The following KIAA1217 variants were observed in gnomAD, a reference collection of about 807,000 sequenced individuals.
KIAA1217 encodes the protein sickle tail protein homolog.
In KIAA1217, 88 loss-of-function variants were observed where a neutral mutation model predicts 163.9. That is an observed-to-expected ratio of 0.54 (90% confidence interval 0.45 to 0.64). The LOEUF is 0.64. Among genes scored for constraint, KIAA1217 ranks in the 30% least tolerant of loss-of-function variants. KIAA1217 has a pLI of 0.00. For synonymous variants in KIAA1217, 903 were observed against 923.1 expected (o/e 0.98, Z 0.39); for missense variants, 2,372 against 2,475.0 (o/e 0.96, Z 0.88).
chr10:24,176,615 C>T (rs937926791), intron 2 of KIAA1217, among the ~76,000 whole-genome samples: 9 of 152,266 alleles, frequency 5.9e-5, no homozygotes. Flanking sequence ...TCCAGCTAGA[C>T]ATAAAAGTTC....
intron 1 of KIAA1217, among the ~76,000 whole-genome samples, chr10:23,887,433 C>A (rs988739009): frequency 1.3e-5 from 2 of 151,822 alleles, no homozygotes; most frequent in African/African-American, 4.8e-5. Flanking sequence ...CTATAGGCGA[C>A]CATTAGGCTA....
At chr10:23,941,041 A>C (rs986392043) in intron 1 of KIAA1217, among the ~76,000 whole-genome samples, 3 of 152,210 alleles carry the variant, frequency 2.0e-5, no homozygotes, top group Non-Finnish European at 4.4e-5. Flanking sequence ...CCTGCAGAGA[A>C]AAGTGGTTCA....
chr10:24,498,941 G>A (rs965315479), intron 8 of KIAA1217, among the ~76,000 whole-genome samples: 1 of 152,210 alleles, frequency 6.6e-6, no homozygotes. Context: ...AGGTACCTTG[G>A]TGGCCTCAGA....
At chr10:24,196,474 T>C (rs1015332831) in intron 2 of KIAA1217, among the ~76,000 whole-genome samples, 29 of 152,354 alleles carry the variant, frequency 1.9e-4, no homozygotes, top group Admixed American at 1.4e-3. Flanking sequence ...AAAATATTAC[T>C]ATGATTCCTG....
At chr10:23,706,442 C>T (rs1836892967) in intron 1 of KIAA1217, among the ~76,000 whole-genome samples, 1 of 152,104 alleles carries the variant, frequency 6.6e-6, no homozygotes, top group Non-Finnish European at 1.5e-5. Context: ...TGAGGAAGTT[C>T]TCTTTCTCTT....
intron 2 of KIAA1217, among the ~76,000 whole-genome samples, chr10:24,337,554 G>GT (rs896867026): frequency 8.7e-5 from 13 of 150,164 alleles, no homozygotes; most frequent in African/African-American, 3.2e-4. Flanking sequence ...AGACTTAAAT[G>GT]TTTTTTTGTT....
At chr10:23,869,746 G>A (rs555265180) in intron 1 of KIAA1217, among the ~76,000 whole-genome samples, 16 of 152,130 alleles carry the variant, frequency 1.1e-4, no homozygotes, top group African/African-American at 3.1e-4. Context: ...TACCACGGCC[G>A]CCAAGAATTC....
chr10:23,948,739 G>A (rs1394673143), intron 1 of KIAA1217, among the ~76,000 whole-genome samples: 2 of 151,944 alleles, frequency 1.3e-5, no homozygotes, highest in South Asian at 4.1e-4. Flanking sequence ...AGTATATATG[G>A]CACGTGGTAG....
chr10:24,054,721 A>T (rs950585178), intron 2 of KIAA1217, among the ~76,000 whole-genome samples: 4 of 152,196 alleles, frequency 2.6e-5, no homozygotes, highest in Non-Finnish European at 5.9e-5. Context: ...AAATAAACCT[A>T]GTTGGCATAG....
intron 1 of KIAA1217, among the ~76,000 whole-genome samples, chr10:23,888,445 G>C (rs1022812564): frequency 6.6e-6 from 1 of 151,828 alleles, no homozygotes; most frequent in Non-Finnish European, 1.5e-5. Context: ...CATCTATAAT[G>C]CATCTGAAAT....
intron 1 of KIAA1217, among the ~76,000 whole-genome samples, chr10:23,891,102 T>A (rs1841399328): frequency 6.6e-6 from 1 of 151,992 alleles, no homozygotes; most frequent in Non-Finnish European, 1.5e-5. Context: ...ACACTTGTAC[T>A]TTCAGTACAT....
chr10:24,346,248 C>T (rs758265261), intron 2 of KIAA1217, among the ~76,000 whole-genome samples: 52 of 152,050 alleles, frequency 3.4e-4, no homozygotes, highest in African/African-American at 1.1e-3. Flanking sequence ...GGCGGATCAC[C>T]AGGTCCGGAG....
chr10:24,322,494 C>G (rs551273697), intron 2 of KIAA1217, among the ~76,000 whole-genome samples: 137 of 152,182 alleles, frequency 9.0e-4, no homozygotes, highest in Admixed American at 2.4e-3. Flanking sequence ...GGAAAAAGAC[C>G]CTGTACATGA....
At chr10:24,525,265 G>A (rs909808601) in intron 13 of KIAA1217, among the ~76,000 whole-genome samples, 6 of 152,208 alleles carry the variant, frequency 3.9e-5, no homozygotes, top group African/African-American at 7.2e-5. Context: ...CTCCACTGAG[G>A]TGAAGGCAGC....
intron 6 of KIAA1217, among the ~76,000 whole-genome samples, chr10:24,488,152 C>T (rs73604492): frequency 1.3e-5 from 2 of 152,142 alleles, no homozygotes; most frequent in African/African-American, 2.4e-5. Context: ...CAGATCTAGA[C>T]AGTAACACCA....
At chr10:24,056,148 A>G (rs1262073411) in intron 2 of KIAA1217, among the ~76,000 whole-genome samples, 1 of 152,124 alleles carries the variant, frequency 6.6e-6, no homozygotes, top group Non-Finnish European at 1.5e-5. Context: ...AGACACATTC[A>G]CTGACAATAA....
chr10:24,366,205 G>T (rs2050759223), intron 2 of KIAA1217, among the ~76,000 whole-genome samples: 1 of 152,230 alleles, frequency 6.6e-6, no homozygotes, highest in East Asian at 1.9e-4. Flanking sequence ...AGCACTTTGG[G>T]AGGCCGAAGC....
intron 9 of KIAA1217, among the ~76,000 whole-genome samples, chr10:24,507,259 T>C (rs1227888584): frequency 6.6e-6 from 1 of 152,106 alleles, no homozygotes; most frequent in Non-Finnish European, 1.5e-5. Flanking sequence ...AATTCAGAGC[T>C]CCATGCCCAA....
Position 23,853,660 on chromosome 10 carries a change from G to C in KIAA1217, c.-320-153565G>C, listed in dbSNP as rs536536549. Among the ~76,000 whole-genome samples, 6 of 152,212 alleles carry C rather than the reference G, an allele frequency of 3.9e-5. No individual in the cohort carries two copies. In the South Asian group the frequency reaches 6.2e-4, roughly 16 times the overall value. On this transcript the variant is annotated intron_variant, in intron 1 of 18. Coordinates refer to the KIAA1217 transcript ENST00000376462. ...ATCTGGTCCTGGACTCTTTTTAGTT[G>C]GTAAGCTATTGATTATTGCCACAAT... is the stretch of plus-strand genomic sequence containing the variant.
Sources: allele counts gnomAD v4.1 joint callset (sites outside exome capture counted in the v4.1 genomes callset), GRCh38; gene constraint gnomAD v4.1.1; transcripts MANE v1.5; gene names NCBI Gene and HGNC (gene_info 2026-07-23, HGNC 2026-07-21).